The following SLC25A13 variants were observed in gnomAD, a reference collection of about 807,000 sequenced individuals.
SLC25A13 encodes the protein electrogenic aspartate/glutamate antiporter SLC25A13, mitochondrial.
SLC25A13 carries 70 observed loss-of-function variants against 85.5 expected under a neutral mutation model. The ratio of observed to expected loss-of-function variants is 0.82; its 90% CI spans 0.68 to 1.00. The LOEUF (loss-of-function observed/expected upper bound fraction) is 1.00, where lower values mean the gene tolerates loss of function less well. Ranked by LOEUF, SLC25A13 falls within the 50% of genes least tolerant of loss-of-function variation. The pLI is 0.00. For missense variants in SLC25A13, 765 were observed against 819.8 expected, an observed-to-expected ratio of 0.93 and a Z score of 0.82; for synonymous variants, 259 against 288.7, an observed-to-expected ratio of 0.90 and a Z score of 1.04.
chr7:96,283,563 C>A (rs1011816945), intron 2 of SLC25A13: 1 of 341,852 alleles, frequency 2.9e-6, no homozygotes, highest in Non-Finnish European at 5.7e-6. Flanking sequence ...ATGCCCCCAG[C>A]ATGCTGTTGG....
At chr7:96,243,113 G>C (rs1379213509) in intron 3 of SLC25A13, among the ~76,000 whole-genome samples, 1 of 152,134 alleles carries the variant, frequency 6.6e-6, no homozygotes, top group Non-Finnish European at 1.5e-5. Context: ...TTACAGGCGT[G>C]CGCCACCATC....
intron 1 of SLC25A13, among the ~76,000 whole-genome samples, chr7:96,309,934 T>C (rs1799892073): frequency 6.6e-6 from 1 of 152,092 alleles, no homozygotes; most frequent in African/African-American, 2.4e-5. Flanking sequence ...GGGACCCTAA[T>C]CCAATAAGAC....
intron 13 of SLC25A13, among the ~76,000 whole-genome samples, chr7:96,163,890 CCTCT>C (rs113065926): frequency 1.3e-5 from 2 of 151,656 alleles, no homozygotes; most frequent in South Asian, 2.1e-4. Flanking sequence ...TTCACAACAT[CCTCT>C]CTCTCTCTCC....
chr7:96,183,411 A>C (rs1043840501), intron 11 of SLC25A13, among the ~76,000 whole-genome samples: 1 of 152,182 alleles, frequency 6.6e-6, no homozygotes, highest in Non-Finnish European at 1.5e-5. Flanking sequence ...GCAGAGTACT[A>C]AATACTGTTT....
chr7:96,214,444 T>TA (rs1795810360), intron 4 of SLC25A13, among the ~76,000 whole-genome samples: 1 of 152,064 alleles, frequency 6.6e-6, no homozygotes, highest in African/African-American at 2.4e-5. Flanking sequence ...AAAAAACAAC[T>TA]CGGTCAGGCG....
At chr7:96,131,118 T>C (rs1195746593) in intron 15 of SLC25A13, among the ~76,000 whole-genome samples, 2 of 152,204 alleles carry the variant, frequency 1.3e-5, no homozygotes, top group Non-Finnish European at 2.9e-5. Flanking sequence ...TTCCTGCTCT[T>C]AGGGACCCTT....
At chr7:96,124,573 A>G (rs1353986878) in intron 15 of SLC25A13, among the ~76,000 whole-genome samples, 1 of 152,226 alleles carries the variant, frequency 6.6e-6, no homozygotes. Context: ...TATGGCATTA[A>G]TATTGCTACT....
chr7:96,136,163 C>T (rs1335011009), intron 14 of SLC25A13, among the ~76,000 whole-genome samples: 1 of 152,124 alleles, frequency 6.6e-6, no homozygotes, highest in African/African-American at 2.4e-5. Flanking sequence ...AATTCTATAT[C>T]ATGCCAAAGT....
intron 2 of SLC25A13, among the ~76,000 whole-genome samples, chr7:96,288,404 G>A (rs1798975002): frequency 6.6e-6 from 1 of 152,228 alleles, no homozygotes; most frequent in Admixed American, 6.5e-5. Flanking sequence ...TCTCACTGGG[G>A]CTCATTGGAC....
At chr7:96,235,864 C>T (rs2116818812) in intron 3 of SLC25A13, among the ~76,000 whole-genome samples, 1 of 152,204 alleles carries the variant, frequency 6.6e-6, no homozygotes, top group East Asian at 1.9e-4. Context: ...ACATGAGAGG[C>T]CAAGGACGTT....
chr7:96,298,795 A>T (rs1799447626), intron 1 of SLC25A13, among the ~76,000 whole-genome samples: 1 of 152,152 alleles, frequency 6.6e-6, no homozygotes, highest in Non-Finnish European at 1.5e-5. Flanking sequence ...TCAATAGAGG[A>T]GAAGAAAATG....
intron 3 of SLC25A13, among the ~76,000 whole-genome samples, chr7:96,253,423 C>T (rs908922998): frequency 6.6e-6 from 1 of 152,046 alleles, no homozygotes; most frequent in Non-Finnish European, 1.5e-5. Context: ...AAGCATTCAC[C>T]GAGCAAGTAA....
At chr7:96,239,972 A>T (rs1009056796) in intron 3 of SLC25A13, among the ~76,000 whole-genome samples, 1 of 152,208 alleles carries the variant, frequency 6.6e-6, no homozygotes, top group Admixed American at 6.5e-5. Flanking sequence ...TCTGTATGCT[A>T]TGCTTACACA....
intron 3 of SLC25A13, among the ~76,000 whole-genome samples, chr7:96,273,152 G>GAATCAGACAATGAGGAAAC (rs1208653342): frequency 2.0e-5 from 3 of 152,148 alleles, no homozygotes; most frequent in Non-Finnish European, 4.4e-5. Flanking sequence ...ATCCTGAATT[G>GAATCAGACAATGAGGAAAC]AATCAGACAA....
At chr7:96,197,146 G>A (rs1220893723) in intron 5 of SLC25A13, among the ~76,000 whole-genome samples, 2 of 152,132 alleles carry the variant, frequency 1.3e-5, no homozygotes, top group Admixed American at 1.3e-4. Flanking sequence ...ACTGCATGGG[G>A]AACCTCAGAC....
In SLC25A13 at chr7:96,121,182, C is replaced by T; in HGVS notation, c.*9G>A. The stretch of plus-strand genomic sequence containing the variant: ...ACAAAAAGACAGCACTATCCCAGGG[C>T]TGATCTTCCTATGGGCCTCCACCAA... On this transcript the variant is annotated 3_prime_UTR_variant, in exon 18 of 18. Coordinates refer to ENST00000265631, the MANE Select transcript of SLC25A13 (RefSeq NM_014251.3). 6.2e-7 allele frequency: 1 copy of T among 1,614,082 alleles called. No homozygotes were observed. The highest frequency in any genetic ancestry group is 8.5e-7 in the Non-Finnish European group (1 of 1,179,934).
At chr7:96,223,990 C>G (rs990462619) in intron 4 of SLC25A13, among the ~76,000 whole-genome samples, 1 of 151,978 alleles carries the variant, frequency 6.6e-6, no homozygotes, top group African/African-American at 2.4e-5. Flanking sequence ...CCCACACATC[C>G]ACACAGGTAC....
At chr7:96,321,221 C>A (rs1473445205) in intron 1 of SLC25A13, among the ~76,000 whole-genome samples, 1 of 152,138 alleles carries the variant, frequency 6.6e-6, no homozygotes, top group African/African-American at 2.4e-5. Context: ...TACACAGAAC[C>A]CCTTTCAAGT....
At chr7:96,312,881 A>T (rs1013167800) in intron 1 of SLC25A13, among the ~76,000 whole-genome samples, 2 of 152,218 alleles carry the variant, frequency 1.3e-5, no homozygotes, top group Non-Finnish European at 2.9e-5. Context: ...TAGGACATAC[A>T]TGCTCCATGG....
Sources: gnomAD v4.1 joint callset for allele counts (sites outside exome capture counted in the v4.1 genomes callset) on GRCh38, gnomAD v4.1.1 for gene constraint, MANE v1.5 for transcripts, NCBI Gene and HGNC (gene_info 2026-07-23, HGNC 2026-07-21) for gene names.